The following LRRTM4 variants were observed in gnomAD, a reference collection of about 807,000 sequenced individuals.
The protein encoded by LRRTM4 is leucine rich repeat transmembrane neuronal 4.
Under a neutral mutation model 47.6 loss-of-function variants are expected in LRRTM4, and 25 were observed. That is an observed-to-expected ratio of 0.53 (90% CI 0.38 to 0.73). LRRTM4 has a LOEUF of 0.73. Ranked by LOEUF, LRRTM4 falls within the 30% of genes least tolerant of loss-of-function variation. The probability of loss-of-function intolerance (pLI) is 0.00; values close to 1 mark genes in which losing one functional copy is unlikely to be tolerated. For synonymous variants in LRRTM4, 311 were observed against 269.5 expected, an observed-to-expected ratio of 1.15 and a Z score of -1.51; for missense variants, 638 against 713.4, an observed-to-expected ratio of 0.89 and a Z score of 1.20.
At chr2:77,420,723 T>C (rs111968427) in intron 3 of LRRTM4, among the ~76,000 whole-genome samples, 1,965 of 148,116 alleles carry the variant, frequency 0.013, 59 homozygotes, top group African/African-American at 0.046. Flanking sequence ...GAGAATATAA[T>C]CTGGATGTTT....
intron 3 of LRRTM4, among the ~76,000 whole-genome samples, chr2:77,514,248 A>AG (rs1448421652): frequency 6.6e-6 from 1 of 152,042 alleles, no homozygotes; most frequent in Non-Finnish European, 1.5e-5. Context: ...ATTAAACTCA[A>AG]GGTAACTGGG....
chr2:76,929,945 G>C (rs1232932201), intron 3 of LRRTM4, among the ~76,000 whole-genome samples: 2 of 151,814 alleles, frequency 1.3e-5, no homozygotes, highest in Non-Finnish European at 2.9e-5. Flanking sequence ...GTGTGTGTGT[G>C]TGTGTGTGTG....
intron 3 of LRRTM4, among the ~76,000 whole-genome samples, chr2:77,417,157 G>T (rs1160950905): frequency 6.6e-6 from 1 of 152,094 alleles, no homozygotes; most frequent in East Asian, 1.9e-4. Flanking sequence ...ATCATCACTG[G>T]CCATCAAACA....
At chr2:77,443,321 C>G (rs1031242838) in intron 3 of LRRTM4, among the ~76,000 whole-genome samples, 1 of 152,012 alleles carries the variant, frequency 6.6e-6, no homozygotes, top group African/African-American at 2.4e-5. Flanking sequence ...GATGTCAGAT[C>G]GGATGCATAT....
intron 3 of LRRTM4, among the ~76,000 whole-genome samples, chr2:77,107,241 G>T (rs1339918956): frequency 7.1e-6 from 1 of 140,158 alleles, no homozygotes; most frequent in East Asian, 2.4e-4. Flanking sequence ...ACATTAAAAA[G>T]AAAACACATT....
At chr2:76,992,847 T>G (rs74641650) in intron 3 of LRRTM4, among the ~76,000 whole-genome samples, 72,760 of 145,086 alleles carry the variant, frequency 0.5, 18,856 homozygotes, top group African/African-American at 0.63. Flanking sequence ...AAAAGCTGGG[T>G]GTATCATATT....
At chr2:77,127,515 G>C (rs188959762) in intron 3 of LRRTM4, among the ~76,000 whole-genome samples, 140 of 152,144 alleles carry the variant, frequency 9.2e-4, no homozygotes, top group African/African-American at 3.2e-3. Context: ...TGGTCTACAT[G>C]ACCCACAGAA....
At position 77,491,630 on chromosome 2, in the gene LRRTM4, T is replaced by C. The variant is rs1293406336; in HGVS notation, c.1551+26688A>G. Among the ~76,000 whole-genome samples, 3 of 151,344 alleles carry C rather than the reference T, an allele frequency of 2.0e-5. No homozygotes were observed. In the East Asian group the frequency reaches 5.9e-4, roughly 30 times the overall value. On this transcript the variant is annotated intron_variant, in intron 3 of 3. Coordinates refer to ENST00000409884, the MANE Select transcript of LRRTM4 (RefSeq NM_001134745.3). ...AAAATACTAAAGAAAAATATAAAAA[T>C]AAGAAATAGTATTAAAAAGAATATT... is the stretch of plus-strand genomic sequence containing the variant.
intron 3 of LRRTM4, among the ~76,000 whole-genome samples, chr2:76,964,122 G>T (rs1212894328): frequency 1.3e-5 from 2 of 150,920 alleles, no homozygotes; most frequent in Non-Finnish European, 3.0e-5. Flanking sequence ...ATAAAAATGA[G>T]CCTAAACCCC....
At chr2:76,921,128 A>G (rs1674420305) in intron 3 of LRRTM4, among the ~76,000 whole-genome samples, 1 of 152,118 alleles carries the variant, frequency 6.6e-6, no homozygotes, top group African/African-American at 2.4e-5. Context: ...TATCCAGGAT[A>G]CAATCACACA....
chr2:76,964,159 T>C (rs904724545), intron 3 of LRRTM4, among the ~76,000 whole-genome samples: 2 of 151,128 alleles, frequency 1.3e-5, no homozygotes, highest in Non-Finnish European at 1.5e-5. Flanking sequence ...TGAATGTTTG[T>C]AGCTGTGACC....
At chr2:77,474,351 C>A (rs1278330983) in intron 3 of LRRTM4, among the ~76,000 whole-genome samples, 1 of 151,828 alleles carries the variant, frequency 6.6e-6, no homozygotes, top group African/African-American at 2.4e-5. Context: ...TTTTAGTAGT[C>A]CATTTTTTTT....
chr2:77,071,977 A>G (rs1680169386), intron 3 of LRRTM4, among the ~76,000 whole-genome samples: 2 of 151,838 alleles, frequency 1.3e-5, no homozygotes, highest in Non-Finnish European at 2.9e-5. Context: ...ACTTGGTAAG[A>G]CTCTCTTATT....
At chr2:77,019,904 T>C (rs139929277) in intron 3 of LRRTM4, among the ~76,000 whole-genome samples, 2,598 of 152,104 alleles carry the variant, frequency 0.017, 65 homozygotes, top group African/African-American at 0.059. Flanking sequence ...GTTGAAAGAA[T>C]GTCAAACAAA....
chr2:76,943,521 C>A (rs13416943), intron 3 of LRRTM4, among the ~76,000 whole-genome samples: 90,271 of 152,000 alleles, frequency 0.59, 29,109 homozygotes, highest in African/African-American at 0.85. Context: ...GACTCACTGG[C>A]AACAGTTATT....
chr2:76,810,312 C>G (rs1484177643), intron 3 of LRRTM4, among the ~76,000 whole-genome samples: 2 of 152,216 alleles, frequency 1.3e-5, no homozygotes, highest in South Asian at 4.1e-4. Context: ...TGAACATTTT[C>G]TAAGATTATC....
At chr2:77,372,197 A>G (rs1197580978) in intron 3 of LRRTM4, among the ~76,000 whole-genome samples, 1 of 151,870 alleles carries the variant, frequency 6.6e-6, no homozygotes, top group East Asian at 1.9e-4. Context: ...CAAACCTGCC[A>G]TCTGTCTTAG....
rs139578146 is a variant in LRRTM4 at position 77,461,671 on chromosome 2, T to C, written c.1551+56647A>G. Among the ~76,000 whole-genome samples the C allele has an allele frequency of 2.1e-3, 323 of 152,258 alleles. 3 individuals carry two copies. The highest frequency in any genetic ancestry group is 7.4e-3 in the African/African-American group (309 of 41,568). ...AATTACACGCATGCTCCTCTTTTGC[T>C]GTGAACTTAAGCAACTTCTTCACAG... On this transcript the variant is annotated intron_variant, in intron 3 of 3. Transcript: ENST00000409884.
At chr2:77,223,986 A>C (rs1674725016) in intron 3 of LRRTM4, among the ~76,000 whole-genome samples, 1 of 152,084 alleles carries the variant, frequency 6.6e-6, no homozygotes, top group African/African-American at 2.4e-5. Flanking sequence ...TAACCAAAAC[A>C]GCATGGTACT....
Sources: gnomAD v4.1 joint callset for allele counts (sites outside exome capture counted in the v4.1 genomes callset) on GRCh38, gnomAD v4.1.1 for gene constraint, MANE v1.5 for transcripts, NCBI Gene and HGNC (gene_info 2026-07-23, HGNC 2026-07-21) for gene names.